SGCE: variants seen among roughly 807,000 people sequenced by gnomAD.
SGCE encodes sarcoglycan epsilon.
SGCE carries 26 observed loss-of-function variants against 57.8 expected under a neutral mutation model. The observed-to-expected ratio is 0.45, with a 90% confidence interval of 0.33 to 0.62. The LOEUF (loss-of-function observed/expected upper bound fraction) is 0.62, where lower values mean the gene tolerates loss of function less well. Ranked by LOEUF, SGCE falls within the 20% of genes least tolerant of loss-of-function variation. The pLI is 0.02. For synonymous variants in SGCE, 183 were observed against 189.5 expected (o/e 0.97, Z 0.28); for missense variants, 468 against 548.6 (o/e 0.85, Z 1.47).
rs572925254 is a variant in SGCE, at chr7:94,588,578, G to A, written c.1297+111C>T. ...AGTCTGATTAAGGAATGACACAAGT[G>A]TTTTGCCTTATTTGGTGAAGATAAA... On this transcript the variant is annotated intron_variant, in intron 10 of 10. Coordinates refer to ENST00000648936, the MANE Select transcript of SGCE (RefSeq NM_003919.3). The A allele has an allele frequency of 1.2e-5, 19 of 1,544,510 alleles. No individual in the cohort carries two copies. In the African/African-American group the frequency reaches 2.6e-4, roughly 21 times the overall value.
chr7:94,601,028 A>G (rs990409826), intron 6 of SGCE, among the ~76,000 whole-genome samples, 171 bp from the exon 7 acceptor site: 2 of 152,184 alleles, frequency 1.3e-5, no homozygotes, highest in African/African-American at 4.8e-5. Context: ...AGGGAATGTA[A>G]CAAATGAAAG....
At chr7:94,620,694 A>G (rs1802631722) in intron 4 of SGCE, 1 of 152,148 alleles carries the variant, frequency 6.6e-6, no homozygotes, top group South Asian at 2.1e-4. Flanking sequence ...CTTTTTTCTT[A>G]TGATCAGTGC....
At position 94,603,426 on chromosome 7, in the gene SGCE, A is replaced by G. The variant is rs201158658; in HGVS notation, c.689T>C (p.Val230Ala). The G allele has an allele frequency of 6.2e-7, 1 of 1,613,414 alleles. No individual in the cohort carries two copies. Among genetic ancestry groups the G allele is most frequent in the Non-Finnish European group, 8.5e-7 (1 of 1,179,530 alleles). ...EGVYVMVGAD[V>A]PFSSCLREVE... is the part of the protein sequence containing the mutation. ...TTCTCGTAAACAAGAAGAAAACGGGACATCTGCACCAACCATGACATAAAC... is the reference window on the plus strand; with the variant it reads ...TTCTCGTAAACAAGAAGAAAACGGGGCATCTGCACCAACCATGACATAAAC... Residue 230 changes from valine to alanine, a missense_variant, in exon 6 of 11, where the codon GTC (valine) becomes GCC (alanine). Val to Ala is a moderately conservative substitution (Grantham distance 64). Transcript: ENST00000648936.
chr7:94,625,578 TTGC>T (rs1468700343), intron 3 of SGCE: 1 of 152,152 alleles, frequency 6.6e-6, no homozygotes, highest in Non-Finnish European at 1.5e-5. Flanking sequence ...TTTATTATAA[TTGC>T]ATGAATGCTT....
At chr7:94,637,296 C>G (rs1197998998) in intron 1 of SGCE, among the ~76,000 whole-genome samples, 2 of 152,132 alleles carry the variant, frequency 1.3e-5, no homozygotes, top group African/African-American at 4.8e-5. Context: ...TCTCCTCATA[C>G]AGTTGACAAA....
At chr7:94,614,106 TCAAA>T (rs1248527549) in intron 5 of SGCE, among the ~76,000 whole-genome samples, 10 of 55,140 alleles carry the variant, frequency 1.8e-4, no homozygotes, top group East Asian at 6.7e-4. Context: ...CAAATTGAAA[TCAAA>T]AAAAAAAAAA....
At chr7:94,621,329 G>A (rs1478963885) in intron 4 of SGCE, 1 of 152,194 alleles carries the variant, frequency 6.6e-6, no homozygotes, top group African/African-American at 2.4e-5. Flanking sequence ...AACAAGCACT[G>A]CCTGGAGTAA....
chr7:94,619,248 CA>C (rs1203104336), intron 4 of SGCE: 2 of 267,812 alleles, frequency 7.5e-6, no homozygotes, highest in Admixed American at 1.0e-4. Context: ...GCTAAATCTA[CA>C]TTTTAAATTT....
intron 9 of SGCE, among the ~76,000 whole-genome samples, chr7:94,591,661 CTG>C (rs1307432216): frequency 1.5e-4 from 23 of 152,290 alleles, no homozygotes; most frequent in Admixed American, 1.2e-3. Flanking sequence ...ACTGACCTTT[CTG>C]TGGAATTTAG....
chr7:94,642,685 G>T (rs1176357595), intron 1 of SGCE, among the ~76,000 whole-genome samples: 1 of 152,068 alleles, frequency 6.6e-6, no homozygotes, highest in Admixed American at 6.6e-5. Flanking sequence ...CTGATTTACA[G>T]GTACAACCAA....
chr7:94,607,960 T>A (rs1180406391), intron 5 of SGCE, among the ~76,000 whole-genome samples: 1 of 152,106 alleles, frequency 6.6e-6, no homozygotes, highest in Non-Finnish European at 1.5e-5. Context: ...TCAAAATACA[T>A]GAGGCAAGAG....
intron 5 of SGCE, among the ~76,000 whole-genome samples, chr7:94,605,300 T>C (rs1799944259): frequency 1.3e-5 from 2 of 149,980 alleles, no homozygotes; most frequent in African/African-American, 2.5e-5. Flanking sequence ...TTTTGAGAGA[T>C]GGAAAATGAT....
At chr7:94,601,775 AATTTC>A (rs1332501110) in intron 6 of SGCE, among the ~76,000 whole-genome samples, 2 of 152,032 alleles carry the variant, frequency 1.3e-5, no homozygotes, top group Non-Finnish European at 2.9e-5. Context: ...ACTAAATATG[AATTTC>A]ATTTATTTTT....
chr7:94,598,438 TAATC>T (rs147940728), intron 9 of SGCE: 4,178 of 268,322 alleles, frequency 0.016, 43 homozygotes, highest in Non-Finnish European at 0.023. Context: ...TCTCTAAAAA[TAATC>T]AATTTGAAAT....
intron 3 of SGCE, chr7:94,625,865 C>T (rs111315615): frequency 6.6e-6 from 1 of 152,020 alleles, no homozygotes; most frequent in African/African-American, 2.4e-5. Flanking sequence ...ATGATTGTAC[C>T]TGCCTCCAGG....
chr7:94,655,172 A>G (rs565665902), intron 1 of SGCE, among the ~76,000 whole-genome samples: 1 of 152,366 alleles, frequency 6.6e-6, no homozygotes, highest in Non-Finnish European at 1.5e-5. Context: ...AGGAAAATGT[A>G]ACGTTGCAAG....
At chr7:94,605,971 G>C (rs1428071217) in intron 5 of SGCE, among the ~76,000 whole-genome samples, 2 of 152,096 alleles carry the variant, frequency 1.3e-5, no homozygotes, top group Non-Finnish European at 2.9e-5. Context: ...TGAGACTACA[G>C]GTGCCCGCCA....
intron 5 of SGCE, among the ~76,000 whole-genome samples, chr7:94,605,684 G>T (rs572915054): frequency 1.8e-4 from 27 of 152,026 alleles, no homozygotes; most frequent in Non-Finnish European, 1.8e-4. Flanking sequence ...TACAACTGAT[G>T]TGTTAAAAGA....
intron 3 of SGCE, chr7:94,624,000 A>C (rs1403937752): frequency 5.1e-6 from 2 of 390,400 alleles, no homozygotes; most frequent in Non-Finnish European, 9.0e-6. Context: ...AAATATTAGT[A>C]AACATTTGCA....
Sources: gnomAD v4.1 joint callset for allele counts (sites outside exome capture counted in the v4.1 genomes callset) on GRCh38, gnomAD v4.1.1 for gene constraint, MANE v1.5 for transcripts, NCBI Gene and HGNC (gene_info 2026-07-23, HGNC 2026-07-21) for gene names.